The following CRB2 variants were observed in gnomAD, a reference collection of about 807,000 sequenced individuals.
The protein encoded by CRB2 is protein crumbs homolog 2.
Under a neutral mutation model 110.9 loss-of-function variants are expected in CRB2, and 85 were observed. The observed-to-expected ratio is 0.77, with a 90% CI of 0.64 to 0.92. The LOEUF (loss-of-function observed/expected upper bound fraction) is 0.92. CRB2 is among the 40% of genes least tolerant of loss of function. The pLI is 0.00. For synonymous variants in CRB2, 907 were observed against 831.0 expected (o/e 1.09, Z -1.57); for missense variants, 1,843 against 1,851.3 (o/e 1.00, Z 0.08).
Position 123,361,023 on chromosome 9 carries a change from C to T in CRB2, c.95-1842C>T, listed in dbSNP as rs74682583. Among the ~76,000 whole-genome samples, 513 of 151,924 alleles carry T rather than the reference C, an allele frequency of 3.4e-3. 11 individuals carry two copies. In the East Asian group the frequency reaches 0.049, roughly 15 times the overall value. ...TGCTCCCATGGTCCTGGGAAGATCC[C>T]TTGTGACAAGGCACCTCCCCCGCCC... On this transcript the variant is annotated intron_variant, in intron 1 of 12. Transcript: ENST00000373631.
At position 123,371,239 on chromosome 9, in the gene CRB2, C is replaced by T; in HGVS notation, c.2097C>T (p.Phe699=). 1.2e-6 allele frequency: 2 copies of T among 1,613,980 alleles called. No individual in the cohort carries two copies. The highest frequency in any genetic ancestry group is 1.7e-6 in the Non-Finnish European group (2 of 1,180,038). ...ANDSAAGLTV[F]LSEGRIRAEV... is the part of the protein sequence containing the mutation. ...ACTCCGCAGCTGGCCTAACAGTATT[C>T]CTGAGTGAGGGTCGGATCCGGGCTG... Residue 699 remains phenylalanine (F), a synonymous_variant, in exon 8 of 13, where the codon TTC becomes TTT. Transcript: ENST00000373631.
chr9:123,366,934 G>C (rs2041940674), intron 4 of CRB2, among the ~76,000 whole-genome samples: 1 of 114,028 alleles, frequency 8.8e-6, no homozygotes, highest in Non-Finnish European at 1.8e-5. Context: ...AACAGAGTGA[G>C]ATTCTATCTC....
chr9:123,376,111 C>T (rs1024809125), intron 12 of CRB2, among the ~76,000 whole-genome samples: 3 of 152,198 alleles, frequency 2.0e-5, no homozygotes, highest in Admixed American at 1.3e-4. Flanking sequence ...AATGGCTTTA[C>T]AGCTCCTCCC....
chr9:123,367,427 CCACCCCCCCCACCCCCCCACCCCA>C lies in CRB2; in HGVS notation c.940+77_940+100del, dbSNP rs1414760102. On this transcript the variant is annotated intron_variant, in intron 5 of 12. Transcript: ENST00000373631. ...AGGGAGGGATCTTGTGCCCACCCCC[CCACCCCCCCCACCCCCCCACCCCA>C]CACCCCACACCCGAGTCTGCCCTCT... 2,576 of 942,708 alleles carry C rather than the reference CCACCCCCCCCACCCCCCCACCCCA, an allele frequency of 2.7e-3. 31 individuals carry two copies. Among genetic ancestry groups the C allele is most frequent in the South Asian group, 0.02 (1,078 of 54,798 alleles). 58.4% of individuals were successfully genotyped at this position (942,708 alleles called of 1,614,324 possible). A position where few individuals can be genotyped will look rare whatever the true frequency, so the allele number is the denominator to read the frequency against.
At position 123,363,141 on chromosome 9, in the gene CRB2, G is replaced by A. The variant is rs1350303666; in HGVS notation, c.371G>A (p.Arg124His). 3.1e-6 allele frequency: 5 copies of A among 1,610,806 alleles called. No homozygotes were observed. Among genetic ancestry groups the A allele is most frequent in the East Asian group, 2.2e-5 (1 of 44,846 alleles). ...CCGTGCCACCATGGGGCCACCTGCC[G>A]CAACCTGGCCGATCGCTACGAGTGC... ...SRPCHHGATC[R>H]NLADRYECHC... The change falls in exon 2 of 13, where the codon CGC becomes CAC. Residue 124 changes from arginine (R) to histidine (H), a missense_variant. Coordinates refer to ENST00000373631, the MANE Select transcript of CRB2 (RefSeq NM_173689.7).
At chr9:123,359,364 G>A (rs1484453500) in intron 1 of CRB2, among the ~76,000 whole-genome samples, 2 of 146,686 alleles carry the variant, frequency 1.4e-5, no homozygotes, top group Admixed American at 1.4e-4. Context: ...GAAATATTCT[G>A]TCTCTTGATT....
intron 1 of CRB2, among the ~76,000 whole-genome samples, chr9:123,360,939 A>G (rs2041859764): frequency 6.6e-6 from 1 of 151,976 alleles, no homozygotes; most frequent in Non-Finnish European, 1.5e-5. Context: ...GACTGGAGAA[A>G]TTCCTTCCTC....
upstream of CRB2, among the ~76,000 whole-genome samples, chr9:123,355,803 G>A (rs1013752811): frequency 5.3e-5 from 8 of 151,732 alleles, 1 homozygote; most frequent in Admixed American, 3.3e-4. Flanking sequence ...GGACTCGAAG[G>A]CCTGGGCTTG....
At position 123,373,657 on chromosome 9, in the gene CRB2, G is replaced by C. The variant is rs2488600; in HGVS notation, c.3126G>C (p.Ala1042=). ...CCCCTGGCGCCCGAGAGCACTTCGC[G>C]TCTTGGCCTGGGACGCCGGCCCCGA... ...GAAPGAREHF[A]SWPGTPAPIL... is the part of the protein sequence containing the mutation. The change falls in exon 10 of 13, where the codon GCG becomes GCC. Residue 1042 remains alanine, a synonymous_variant. Transcript: ENST00000373631. 0.18 allele frequency: 254,108 copies of C among 1,425,886 alleles called. 24,085 individuals carry two copies. The highest frequency in any genetic ancestry group is 0.32 in the African/African-American group (21,287 of 66,808). 88.3% of individuals were successfully genotyped at this position (1,425,886 alleles called of 1,614,324 possible).
chr9:123,366,203 G>A (rs1451193691), intron 3 of CRB2, 24 bp from the exon 4 acceptor site: 14 of 1,403,170 alleles, frequency 1.0e-5, no homozygotes, highest in Non-Finnish European at 1.3e-5. Context: ...CGCGCGCTCA[G>A]CTCCGCCGGT....
chr9:123,367,709 T>C (rs1437602825), intron 6 of CRB2, 23 bp downstream of exon 6: 1 of 1,473,190 alleles, frequency 6.8e-7, no homozygotes, highest in Non-Finnish European at 9.2e-7. Context: ...GGGTGGGCCC[T>C]GGGACCATCA....
chr9:123,366,021 G>T lies in CRB2; in HGVS notation c.523G>T (p.Gly175Cys). 1 of 1,591,342 alleles carries T rather than the reference G, an allele frequency of 6.3e-7. No homozygotes were observed. The change falls in exon 3 of 13, where the codon GGC (glycine) becomes TGC (cysteine). Residue 175 changes from glycine to cysteine, a missense_variant. Physicochemically the swap from Gly to Cys is radical, Grantham distance 159. Transcript: ENST00000373631. The part of the protein sequence containing the change: ...VGSFRCVCAP[G>C]YGGTRCQLDL... Reference sequence around the variant, plus strand: ...CTCCTTCCGCTGTGTGTGCGCGCCAGGCTACGGGGGCACCCGTTGCCAGCT... The same window carrying T: ...CTCCTTCCGCTGTGTGTGCGCGCCATGCTACGGGGGCACCCGTTGCCAGCT...
At chr9:123,374,146 C>A in intron 10 of CRB2, 2 of 711,716 alleles carry the variant, frequency 2.8e-6, no homozygotes, top group African/African-American at 1.8e-5. Context: ...TGGTCTGGGG[C>A]TGGGAGCCGC....
chr9:123,361,046 C>T (rs2041861065), intron 1 of CRB2, among the ~76,000 whole-genome samples: 1 of 152,022 alleles, frequency 6.6e-6, no homozygotes, highest in Non-Finnish European at 1.5e-5. Context: ...ACCTCCCCCG[C>T]CCCCCAGGAT....
chr9:123,378,805 G>GTTTTTTTTT (rs1166539194), downstream of CRB2: 13 of 100,976 alleles, frequency 1.3e-4, 2 homozygotes, highest in African/African-American at 5.2e-4. Flanking sequence ...CCTGTTTTTT[G>GTTTTTTTTT]TTTTTTTTTT....
intron 6 of CRB2, chr9:123,368,903 G>T: frequency 7.9e-7 from 1 of 1,263,436 alleles, no homozygotes; most frequent in South Asian, 1.3e-5. Flanking sequence ...CAATGGAGCC[G>T]GGGGCTCTGT....
chr9:123,372,835 G>C (rs2042035848), intron 9 of CRB2, among the ~76,000 whole-genome samples: 1 of 152,232 alleles, frequency 6.6e-6, no homozygotes, highest in Non-Finnish European at 1.5e-5. Flanking sequence ...ACGGAGAAGG[G>C]AAGGGGCCAG....
rs148249926 is a variant in CRB2 at position 123,372,236 on chromosome 9, C to A, written c.2496C>A (p.Thr832=). 393 of 1,614,112 alleles carry A rather than the reference C, an allele frequency of 2.4e-4. No homozygotes were observed. The African/African-American group carries it at 4.4e-3, about 18-fold the overall frequency. ...CLVTWNDFHC[T]CPANFTGPTC... is the part of the protein sequence containing the mutation. Reference sequence around the variant, plus strand: ...TCACCTGGAATGACTTCCACTGTACCTGCCCTGCCAATTTCACGGGGCCTA... The same window carrying A: ...TCACCTGGAATGACTTCCACTGTACATGCCCTGCCAATTTCACGGGGCCTA... Residue 832 remains threonine, a synonymous_variant, in exon 9 of 13, where the codon ACC becomes ACA. Transcript: ENST00000373631.
rs1258278247 is a variant in CRB2 at position 123,373,941 on chromosome 9, G to A, written c.3389+21G>A. On this transcript the variant is annotated intron_variant, in intron 10 of 12. Coordinates refer to ENST00000373631, the MANE Select transcript of CRB2 (RefSeq NM_173689.7). Reference sequence around the variant, plus strand: ...TGCAGGTGGGATGGCTGGGCAGGGGGGTGGGCTGCGAATGCCCCCTGGGGC... The same window carrying A: ...TGCAGGTGGGATGGCTGGGCAGGGGAGTGGGCTGCGAATGCCCCCTGGGGC... 8 of 1,549,824 alleles carry A rather than the reference G, an allele frequency of 5.2e-6. No homozygotes were observed. In the Admixed American group the frequency reaches 1.2e-4, roughly 23 times the overall value.
Sources: gnomAD v4.1 joint callset for allele counts (sites outside exome capture counted in the v4.1 genomes callset) on GRCh38, gnomAD v4.1.1 for gene constraint, MANE v1.5 for transcripts, NCBI Gene and HGNC (gene_info 2026-07-23, HGNC 2026-07-21) for gene names.